Variants in SAMMSON observed in about 807,000 individuals in gnomAD.
SAMMSON encodes survival associated mitochondrial melanoma specific oncogenic non-coding RNA, also known as long intergenic non-protein coding RNA 1212.
intron 7 of SAMMSON, among the ~76,000 whole-genome samples, chr3:70,325,573 G>C (rs2106719693): frequency 6.6e-6 from 1 of 152,220 alleles, no homozygotes; most frequent in African/African-American, 2.4e-5. Flanking sequence ...CCCTTATATG[G>C]TGAGAAATTT....
At chr3:70,247,563 A>T (rs1701719107) in intron 4 of SAMMSON, among the ~76,000 whole-genome samples, 1 of 151,874 alleles carries the variant, frequency 6.6e-6, no homozygotes, top group Non-Finnish European at 1.5e-5. Context: ...TTGATCACAT[A>T]TCAATGCCAC....
At chr3:70,329,705 G>C (rs748194257) in intron 7 of SAMMSON, among the ~76,000 whole-genome samples, 2 of 151,722 alleles carry the variant, frequency 1.3e-5, no homozygotes, top group African/African-American at 2.4e-5. Flanking sequence ...TATTATCTGG[G>C]ACTAAAGAAA....
intron 6 of SAMMSON, among the ~76,000 whole-genome samples, chr3:70,262,029 G>A (rs564606638): frequency 1.3e-5 from 2 of 152,222 alleles, no homozygotes; most frequent in Admixed American, 6.5e-5. Context: ...TAGAGGAGAC[G>A]GATTTGAGCC....
intron 4 of SAMMSON, among the ~76,000 whole-genome samples, chr3:70,163,036 A>C (rs2067622422): frequency 6.6e-6 from 1 of 151,360 alleles, no homozygotes; most frequent in South Asian, 2.1e-4. Context: ...TTATCTTTGA[A>C]TCTAAAGGGT....
intron 2 of SAMMSON, among the ~76,000 whole-genome samples, chr3:70,414,331 T>A (rs946994517): frequency 3.3e-5 from 5 of 152,158 alleles, no homozygotes; most frequent in Non-Finnish European, 7.4e-5. Context: ...TGCTAGACTT[T>A]ATCAAAATGA....
chr3:70,316,905 TTTATAC>T, intron 7 of SAMMSON, among the ~76,000 whole-genome samples: 1 of 152,092 alleles, frequency 6.6e-6, no homozygotes, highest in East Asian at 1.9e-4. Flanking sequence ...CCAAATTATT[TTTATAC>T]CTGCTTTTTC....
At chr3:70,220,239 T>C (rs968364833) in intron 4 of SAMMSON, among the ~76,000 whole-genome samples, 1 of 152,056 alleles carries the variant, frequency 6.6e-6, no homozygotes, top group Non-Finnish European at 1.5e-5. Context: ...AATAGTCTCA[T>C]GTATTATCAG....
chr3:70,326,630 G>A (rs959432703), intron 7 of SAMMSON, among the ~76,000 whole-genome samples: 2 of 152,062 alleles, frequency 1.3e-5, no homozygotes, highest in Non-Finnish European at 2.9e-5. Context: ...AGAATATTAC[G>A]AGAGTTTTTA....
At chr3:70,359,280 T>A (rs528359669) in intron 9 of SAMMSON, among the ~76,000 whole-genome samples, 1 of 152,238 alleles carries the variant, frequency 6.6e-6, no homozygotes, top group South Asian at 2.1e-4. Flanking sequence ...GAAGCCCAAG[T>A]ACTCAAGAAT....
intron 7 of SAMMSON, among the ~76,000 whole-genome samples, chr3:70,323,397 T>C (rs938044734): frequency 1.3e-5 from 2 of 152,164 alleles, no homozygotes; most frequent in African/African-American, 2.4e-5. Context: ...GTTAGTATGG[T>C]GACACCAGGA....
intron 7 of SAMMSON, among the ~76,000 whole-genome samples, chr3:70,325,364 C>T (rs566327761): frequency 6.6e-6 from 1 of 152,196 alleles, no homozygotes; most frequent in Non-Finnish European, 1.5e-5. Context: ...AGTCACCTCA[C>T]CCATGCGGGC....
At chr3:70,252,752 C>T (rs1431173974) in intron 6 of SAMMSON, among the ~76,000 whole-genome samples, 1 of 152,094 alleles carries the variant, frequency 6.6e-6, no homozygotes, top group East Asian at 1.9e-4. Flanking sequence ...GTGGATACAT[C>T]AGTGAACAAA....
At chr3:70,200,145 C>A (rs1252718176) in intron 4 of SAMMSON, among the ~76,000 whole-genome samples, 1 of 152,214 alleles carries the variant, frequency 6.6e-6, no homozygotes, top group Non-Finnish European at 1.5e-5. Flanking sequence ...TGCTCACCAC[C>A]TGCAGGGCCA....
chr3:70,139,052 A>C (rs2067517306), intron 4 of SAMMSON, among the ~76,000 whole-genome samples: 1 of 152,084 alleles, frequency 6.6e-6, no homozygotes, highest in African/African-American at 2.4e-5. Context: ...ACAGAGCTAC[A>C]CTCTTCAATA....
chr3:70,089,810 C>G (rs2067299068), intron 4 of SAMMSON, among the ~76,000 whole-genome samples: 1 of 152,076 alleles, frequency 6.6e-6, no homozygotes. Flanking sequence ...TGTCCAGGAG[C>G]AACTTTGACT....
In SAMMSON at chr3:70,306,568, A is replaced by G. The variant is rs140294170; in HGVS notation, n.739+15325A>G. On this transcript the variant is annotated intron_variant and non_coding_transcript_variant, in intron 7 of 9. Coordinates refer to ENST00000642114, the Ensembl canonical transcript of SAMMSON. ...AGAGAATAAAGCTTGTTTATTGCCC[A>G]TTCCCCACCCCCTATTTTTTTTATC... 2.3e-3 allele frequency among the ~76,000 whole-genome samples: 350 copies of G among 152,118 alleles called. 2 individuals are homozygous for G. The highest frequency in any genetic ancestry group is 7.9e-3 in the African/African-American group (328 of 41,502).
intron 2 of SAMMSON, among the ~76,000 whole-genome samples, chr3:70,397,256 A>G (rs1031018048): frequency 3.9e-5 from 6 of 152,224 alleles, no homozygotes; most frequent in Admixed American, 3.9e-4. Flanking sequence ...TTTGAGCTCC[A>G]TTCTGGGATC....
intron 2 of SAMMSON, among the ~76,000 whole-genome samples, chr3:70,431,790 A>G (rs1005657638): frequency 2.0e-5 from 3 of 152,004 alleles, no homozygotes; most frequent in Non-Finnish European, 2.9e-5. Flanking sequence ...TTCTATCACA[A>G]TGGATTAGTT....
chr3:70,028,152 TTCCTTCC>T (rs2067049589), intron 3 of SAMMSON, among the ~76,000 whole-genome samples: 1 of 42,904 alleles, frequency 2.3e-5, no homozygotes. Context: ...CTTTCCTTCC[TTCCTTCC>T]TTCCTTCCTT....
Sources: allele counts gnomAD v4.1 joint callset (sites outside exome capture counted in the v4.1 genomes callset), GRCh38; gene constraint gnomAD v4.1.1; transcripts MANE v1.5; gene names NCBI Gene and HGNC (gene_info 2026-07-23, HGNC 2026-07-21).